The following NRXN1 variants were observed in gnomAD, a reference collection of about 807,000 sequenced individuals.
NRXN1 encodes neurexin 1.
Under a neutral mutation model 150.9 loss-of-function variants are expected in NRXN1, and 39 were observed. The observed-to-expected ratio is 0.26, with a 90% CI of 0.20 to 0.34. The LOEUF (loss-of-function observed/expected upper bound fraction) is 0.34, where lower values mean the gene tolerates loss of function less well. Ranked by LOEUF, NRXN1 falls within the 10% of genes least tolerant of loss-of-function variation. The pLI, the probability that NRXN1 is intolerant of heterozygous loss-of-function variation, is 1.00. For missense variants in NRXN1, 1,815 were observed against 1,949.9 expected (o/e 0.93, Z 1.30); for synonymous variants, 924 against 757.0 (o/e 1.22, Z -3.62).
chr2:50,379,401 C>G (rs1313794618), intron 17 of NRXN1, among the ~76,000 whole-genome samples: 1 of 152,116 alleles, frequency 6.6e-6, no homozygotes, highest in Non-Finnish European at 1.5e-5. Flanking sequence ...AACAGTGAAA[C>G]AGACAAACTC....
At position 50,403,006 on chromosome 2, in the gene NRXN1, G is replaced by A. The variant is rs527443308; in HGVS notation, c.3364+62436C>T. Among the ~76,000 whole-genome samples the A allele has an allele frequency of 6.6e-5, 10 of 152,178 alleles. No homozygotes were observed. In the South Asian group the frequency reaches 8.3e-4, roughly 13 times the overall value. The stretch of plus-strand genomic sequence containing the variant: ...TAATGTAAGGGTGCGGATTGGGGGA[G>A]ACACTTCCATTAACAATTAAACTAA... On this transcript the variant is annotated intron_variant, in intron 17 of 22. Transcript: ENST00000401669.
rs1377441112 is a variant in NRXN1, at chr2:49,943,791, T to A, written c.4129A>T (p.Thr1377Ser). 1.2e-6 allele frequency: 2 copies of A among 1,606,772 alleles called. No individual in the cohort carries two copies. Among genetic ancestry groups the A allele is most frequent in the Non-Finnish European group, 1.7e-6 (2 of 1,175,122 alleles). Reference sequence around the variant, plus strand: ...GAGGCCACAAGGATGTCATCTGTGGTCTGCAAAAGAATCACATTCAGTAGA... The same window carrying A: ...GAGGCCACAAGGATGTCATCTGTGGACTGCAAAAGAATCACATTCAGTAGA... Reference protein sequence around the residue: ...KPPTKEPISQTTDDILVASAE... With the variant: ...KPPTKEPISQSTDDILVASAE... The change falls in exon 22 of 23, where the codon ACC (threonine) becomes TCC (serine). Residue 1377 changes from threonine to serine, a missense_variant and splice_region_variant. Physicochemically the swap from Thr to Ser is moderately conservative, Grantham distance 58. This residue lies in a region of NRXN1 where 265 missense variants were observed against 307.1 expected (regional missense o/e 0.86). Coordinates refer to ENST00000401669, the MANE Select transcript of NRXN1 (RefSeq NM_001330078.2).
intron 5 of NRXN1, among the ~76,000 whole-genome samples, chr2:50,905,460 T>C (rs1683536068): frequency 6.6e-6 from 1 of 152,212 alleles, no homozygotes; most frequent in East Asian, 1.9e-4. Context: ...ACTTTCAAAT[T>C]CAATTAAAAA....
At chr2:50,674,895 T>C (rs760840400) in intron 5 of NRXN1, among the ~76,000 whole-genome samples, 5 of 152,174 alleles carry the variant, frequency 3.3e-5, no homozygotes, top group Non-Finnish European at 7.4e-5. Flanking sequence ...GGTTTGGATG[T>C]GTGTCCCCTC....
chr2:49,990,784 T>C (rs759399886), intron 21 of NRXN1, among the ~76,000 whole-genome samples: 14 of 152,194 alleles, frequency 9.2e-5, no homozygotes, highest in Non-Finnish European at 1.9e-4. Context: ...GCACTAGATA[T>C]AGAATGAAAG....
chr2:50,905,365 C>T (rs1464265230), intron 5 of NRXN1, among the ~76,000 whole-genome samples: 2 of 152,100 alleles, frequency 1.3e-5, no homozygotes, highest in Non-Finnish European at 2.9e-5. Context: ...TGGTAAGACA[C>T]ATAAATGTGT....
At chr2:50,604,230 T>G (rs1676736330) in intron 8 of NRXN1, among the ~76,000 whole-genome samples, 1 of 152,132 alleles carries the variant, frequency 6.6e-6, no homozygotes, top group Non-Finnish European at 1.5e-5. Flanking sequence ...TTGATTAGGG[T>G]GAAGTTGTTT....
intron 8 of NRXN1, among the ~76,000 whole-genome samples, chr2:50,609,284 G>A (rs1325259361): frequency 6.6e-6 from 1 of 152,094 alleles, no homozygotes; most frequent in Non-Finnish European, 1.5e-5. Context: ...ATGAAAATGA[G>A]AAGCCCTCTG....
At chr2:50,700,962 G>A (rs939342987) in intron 5 of NRXN1, among the ~76,000 whole-genome samples, 3 of 152,028 alleles carry the variant, frequency 2.0e-5, no homozygotes, top group East Asian at 1.9e-4. Flanking sequence ...AACTGCGCCC[G>A]GCCAGGGATC....
At chr2:51,013,984 C>A (rs1349906315) in intron 2 of NRXN1, among the ~76,000 whole-genome samples, 1 of 152,004 alleles carries the variant, frequency 6.6e-6, no homozygotes, top group African/African-American at 2.4e-5. Flanking sequence ...ACTGCCTGAT[C>A]TACAGACACT....
At chr2:50,287,974 G>A (rs1024094731) in intron 17 of NRXN1, among the ~76,000 whole-genome samples, 16 of 151,928 alleles carry the variant, frequency 1.1e-4, no homozygotes, top group Admixed American at 9.2e-4. Context: ...AAAGGACCTC[G>A]AGGGCATGTA....
chr2:50,437,612 A>C (rs1572968796), intron 17 of NRXN1, among the ~76,000 whole-genome samples: 1 of 152,200 alleles, frequency 6.6e-6, no homozygotes, highest in Middle Eastern at 3.4e-3. Context: ...GAAGAGAAGG[A>C]AGGAAAAGGT....
chr2:50,970,660 A>C (rs1205490081), intron 2 of NRXN1, among the ~76,000 whole-genome samples: 1 of 152,184 alleles, frequency 6.6e-6, no homozygotes, highest in Non-Finnish European at 1.5e-5. Context: ...CAGTTGAAGG[A>C]AAGCAAATAA....
chr2:50,583,262 A>T (rs1241138295), intron 8 of NRXN1, among the ~76,000 whole-genome samples: 3 of 152,058 alleles, frequency 2.0e-5, no homozygotes, highest in African/African-American at 4.8e-5. Flanking sequence ...GGCTGGTCTC[A>T]AACTTGTGAG....
intron 17 of NRXN1, among the ~76,000 whole-genome samples, chr2:50,354,620 T>C (rs542624485): frequency 1.3e-3 from 186 of 147,454 alleles, no homozygotes; most frequent in African/African-American, 4.3e-3. Context: ...TGTTGTTTTC[T>C]GAAATGGGTT....
chr2:50,636,676 A>C (rs1162433695), intron 5 of NRXN1, among the ~76,000 whole-genome samples: 1 of 152,122 alleles, frequency 6.6e-6, no homozygotes, highest in African/African-American at 2.4e-5. Context: ...CTCTCCTATT[A>C]TTCTGTGAGG....
intron 17 of NRXN1, among the ~76,000 whole-genome samples, chr2:50,252,238 TTTTTTTTC>T (rs1410003048): frequency 2.2e-5 from 3 of 138,262 alleles, no homozygotes; most frequent in African/African-American, 8.2e-5. Flanking sequence ...TTGTCCTTTT[TTTTTTTTC>T]TTTTTTCTTT....
At chr2:50,160,534 T>C (rs1385919742) in intron 18 of NRXN1, among the ~76,000 whole-genome samples, 2 of 151,796 alleles carry the variant, frequency 1.3e-5, no homozygotes, top group African/African-American at 4.8e-5. Flanking sequence ...AGAGCGAAAT[T>C]TCGTCTCCAA....
intron 18 of NRXN1, among the ~76,000 whole-genome samples, chr2:50,199,685 C>T (rs1396371526): frequency 6.6e-6 from 1 of 151,890 alleles, no homozygotes; most frequent in Non-Finnish European, 1.5e-5. Context: ...GAATTGTTTC[C>T]AAGAGTGGTA....
Sources: gnomAD v4.1 joint callset for allele counts (sites outside exome capture counted in the v4.1 genomes callset) on GRCh38, gnomAD v4.1.1 for gene constraint, gnomAD v4.1.1 regional missense constraint, MANE v1.5 for transcripts, NCBI Gene and HGNC (gene_info 2026-07-23, HGNC 2026-07-21) for gene names.